NUP214: variants seen among roughly 807,000 people sequenced by gnomAD.
NUP214 encodes the protein nucleoporin 214, also known as nuclear pore complex protein Nup214.
Under a neutral mutation model 196.2 loss-of-function variants are expected in NUP214, and 79 were observed. That is an observed-to-expected ratio of 0.40 (90% CI 0.34 to 0.49). The LOEUF (loss-of-function observed/expected upper bound fraction) is 0.49. Among genes scored for constraint, NUP214 ranks in the 20% least tolerant of loss-of-function variants. NUP214 has a pLI of 0.58. For synonymous variants in NUP214, 1,020 were observed against 990.5 expected, an observed-to-expected ratio of 1.03 and a Z score of -0.56; for missense variants, 2,468 against 2,539.0, an observed-to-expected ratio of 0.97 and a Z score of 0.60.
chr9:131,207,761 T>C (rs189016453), intron 30 of NUP214, among the ~76,000 whole-genome samples: 7 of 152,346 alleles, frequency 4.6e-5, no homozygotes, highest in Non-Finnish European at 1.0e-4. Flanking sequence ...GAAAGCCTTG[T>C]TGAACTGGTT....
chr9:131,195,813 G>A (rs565906545), intron 28 of NUP214, among the ~76,000 whole-genome samples: 1 of 152,070 alleles, frequency 6.6e-6, no homozygotes, highest in Non-Finnish European at 1.5e-5. Flanking sequence ...ATCACCTGAG[G>A]TCAGGAGTTC....
At chr9:131,211,234 GATA>G (rs1421198042) in intron 30 of NUP214, among the ~76,000 whole-genome samples, 1 of 152,172 alleles carries the variant, frequency 6.6e-6, no homozygotes, top group Non-Finnish European at 1.5e-5. Context: ...AGCATGATGT[GATA>G]ATAATTGGGG....
intron 23 of NUP214, among the ~76,000 whole-genome samples, chr9:131,176,831 A>T (rs914320989): frequency 7.9e-5 from 12 of 152,166 alleles, no homozygotes; most frequent in Admixed American, 1.3e-4. Context: ...TATCAGTTTT[A>T]TAAGCTAGTA....
chr9:131,178,088 C>T (rs1833166431), intron 23 of NUP214, among the ~76,000 whole-genome samples: 8 of 152,118 alleles, frequency 5.3e-5, no homozygotes, highest in Admixed American at 4.6e-4. Flanking sequence ...CTAGTACATT[C>T]GATTCAGTTA....
intron 26 of NUP214, 97 bp downstream of exon 26, chr9:131,189,228 G>T (rs1186809668): frequency 3.0e-6 from 3 of 990,716 alleles, no homozygotes; most frequent in Non-Finnish European, 4.8e-6. Context: ...TAGGAAACAG[G>T]AGTCACATTT....
intron 20 of NUP214, 31 bp downstream of exon 20, chr9:131,163,986 C>T (rs756216449): frequency 6.2e-7 from 1 of 1,612,080 alleles, no homozygotes; most frequent in Non-Finnish European, 8.5e-7. Flanking sequence ...CTTTTAACTC[C>T]CTTTATTCTC....
At chr9:131,138,300 C>T (rs1831803625) in intron 9 of NUP214, among the ~76,000 whole-genome samples, 1 of 148,482 alleles carries the variant, frequency 6.7e-6, no homozygotes, top group Non-Finnish European at 1.5e-5. Context: ...CTCACTGCAA[C>T]CTCTGCTTTC....
intron 6 of NUP214, 159 bp from the exon 7 acceptor site, chr9:131,132,947 G>A: frequency 1.5e-6 from 1 of 650,182 alleles, no homozygotes; most frequent in Non-Finnish European, 2.7e-6. Flanking sequence ...ATGAGTTTGG[G>A]CTTCTTGGGT....
At chr9:131,206,148 C>CTTTTTTTTTTTTTTTTTT (rs71265048) in intron 30 of NUP214, among the ~76,000 whole-genome samples, 10,790 of 74,790 alleles carry the variant, frequency 0.14, 2,687 homozygotes, top group East Asian at 0.34. Context: ...TTTCTTTTTT[C>CTTTTTTTTTTTTTTTTTT]TTTTTTTTTT....
Position 131,232,281 on chromosome 9 carries a change from C to T in NUP214, c.6215-3C>T. 1 of 1,614,166 alleles carries T rather than the reference C, an allele frequency of 6.2e-7. No homozygotes were observed. The highest frequency in any genetic ancestry group is 1.7e-4 in the Middle Eastern group (1 of 6,060). On this transcript the variant is annotated splice_region_variant and splice_polypyrimidine_tract_variant and intron_variant, in intron 34 of 35. Coordinates refer to ENST00000359428, the MANE Select transcript of NUP214 (RefSeq NM_005085.4). The surrounding 1 kb of genome is among the most constrained non-coding windows in gnomAD (Gnocchi z 5.1). Reference sequence around the variant, plus strand: ...TTAACTTCACTCTTATTCTGCTTTTCAGGGTTCAGCTTTGGGTCAAATAAC... The same window carrying T: ...TTAACTTCACTCTTATTCTGCTTTTTAGGGTTCAGCTTTGGGTCAAATAAC...
At chr9:131,129,141 C>A in intron 3 of NUP214, 138 bp from the exon 4 acceptor site, 1 of 745,310 alleles carries the variant, frequency 1.3e-6, no homozygotes, top group Non-Finnish European at 2.2e-6. Context: ...ATGCATAAAA[C>A]AATCTTTTTT....
chr9:131,208,729 A>T (rs975848833), intron 30 of NUP214, among the ~76,000 whole-genome samples: 1 of 148,324 alleles, frequency 6.7e-6, no homozygotes, highest in African/African-American at 2.5e-5. Context: ...AAAGGAATGA[A>T]GTTCTCGGCT....
At chr9:131,181,316 C>G (rs1409173984) in intron 24 of NUP214, among the ~76,000 whole-genome samples, 1 of 152,168 alleles carries the variant, frequency 6.6e-6, no homozygotes, top group African/African-American at 2.4e-5. Context: ...TCAGGAAAGA[C>G]TGTTGGTGGA....
At chr9:131,206,418 T>A (rs990743540) in intron 30 of NUP214, among the ~76,000 whole-genome samples, 1 of 151,744 alleles carries the variant, frequency 6.6e-6, no homozygotes, top group African/African-American at 2.4e-5. Flanking sequence ...AGTGCTGAGA[T>A]TAGAGACATG....
chr9:131,126,937 A>C (rs1368175517), intron 1 of NUP214: 1 of 152,234 alleles, frequency 6.6e-6, no homozygotes, highest in Admixed American at 6.5e-5. Flanking sequence ...CTGGGGTAGA[A>C]GAAAAAAAGG....
chr9:131,163,170 A>G lies in NUP214; in HGVS notation c.2720A>G (p.His907Arg), dbSNP rs1398744672. The G allele has an allele frequency of 6.2e-7, 1 of 1,610,190 alleles. No homozygotes were observed. The highest frequency in any genetic ancestry group is 2.2e-5 in the East Asian group (1 of 44,876). The change falls in exon 19 of 36, where the codon CAC becomes CGC. Residue 907 changes from histidine to arginine, a missense_variant. His to Arg is a conservative substitution (Grantham distance 29, BLOSUM62 0). Transcript: ENST00000359428. ...GCTGTTCCTTCCCAGAGCAGCATTC[A>G]CAGGTGTGGAGAGGACTTGCACTCA... ...SSAVPSQSSI[H>R]SFDSDLESLC...
At chr9:131,157,837 G>T (rs1832505162) in intron 17 of NUP214, among the ~76,000 whole-genome samples, 1 of 151,840 alleles carries the variant, frequency 6.6e-6, no homozygotes, top group South Asian at 2.1e-4. Flanking sequence ...GTAGAGATGG[G>T]GTTTCACCGT....
intron 1 of NUP214, chr9:131,126,036 G>A (rs1490335587): frequency 6.4e-6 from 3 of 465,510 alleles, no homozygotes; most frequent in Non-Finnish European, 1.1e-5. Flanking sequence ...TTGACTGTGT[G>A]CCAGGCACTG....
At position 131,146,394 on chromosome 9, in the gene NUP214, G is replaced by C; in HGVS notation, c.1945+90G>C. ...TTAAGAGTCGTAGCTAACATAGTTG[G>C]ACAAGGTTATTTTTTCTTGCTTCCT... On this transcript the variant is annotated intron_variant, in intron 13 of 35. Transcript: ENST00000359428. The surrounding 1 kb of genome is among the most constrained non-coding windows in gnomAD (Gnocchi z 4.6). 7.6e-7 allele frequency: 1 copy of C among 1,311,256 alleles called. No individual in the cohort carries two copies. Among genetic ancestry groups the C allele is most frequent in the Non-Finnish European group, 1.1e-6 (1 of 933,474 alleles). 81.2% of individuals were successfully genotyped at this position (1,311,256 alleles called of 1,614,324 possible).
Sources: gnomAD v4.1 joint callset for allele counts (sites outside exome capture counted in the v4.1 genomes callset) on GRCh38, gnomAD v4.1.1 for gene constraint, Gnocchi (gnomAD v3.1) non-coding constraint, MANE v1.5 for transcripts, NCBI Gene and HGNC (gene_info 2026-07-23, HGNC 2026-07-21) for gene names.